SYT1: variants seen among roughly 807,000 people sequenced by gnomAD.
The protein encoded by SYT1 is synaptotagmin 1, also known as synaptotagmin-1.
SYT1 carries 8 observed loss-of-function variants against 44.8 expected under a neutral mutation model. The ratio of observed to expected loss-of-function variants is 0.18; its 90% confidence interval spans 0.10 to 0.32. SYT1 has a LOEUF of 0.32. SYT1 is among the 10% of genes least tolerant of loss of function. The pLI, the probability that SYT1 is intolerant of heterozygous loss-of-function variation, is 1.00. For synonymous variants in SYT1, 154 were observed against 188.8 expected, an observed-to-expected ratio of 0.82 and a Z score of 1.51; for missense variants, 286 against 509.3, an observed-to-expected ratio of 0.56 and a Z score of 4.22.
intron 2 of SYT1, among the ~76,000 whole-genome samples, chr12:79,028,163 G>GA (rs1483798824): frequency 2.0e-5 from 3 of 151,538 alleles, no homozygotes; most frequent in Non-Finnish European, 4.4e-5. Flanking sequence ...TCAAAAACCA[G>GA]AAAAATCACA....
intron 1 of SYT1, chr12:78,955,455 C>A (rs1879159121): frequency 6.6e-6 from 1 of 152,088 alleles, no homozygotes; most frequent in Non-Finnish European, 1.5e-5. Context: ...AAATGTATTA[C>A]TTACAGTTCT....
At chr12:78,916,461 T>C (rs1876660714) in intron 1 of SYT1, among the ~76,000 whole-genome samples, 2 of 152,178 alleles carry the variant, frequency 1.3e-5, no homozygotes, top group South Asian at 4.1e-4. Flanking sequence ...TTTCTCTTTT[T>C]TGTTTCAAAG....
chr12:79,345,348 T>A (rs527824190), intron 8 of SYT1, among the ~76,000 whole-genome samples: 5 of 152,348 alleles, frequency 3.3e-5, no homozygotes, highest in African/African-American at 1.2e-4. Context: ...AAGGTTTCAA[T>A]CTTCACCTCC....
At chr12:79,447,071 C>T (rs562180456) in intron 10 of SYT1, among the ~76,000 whole-genome samples, 1 of 152,286 alleles carries the variant, frequency 6.6e-6, no homozygotes, top group African/African-American at 2.4e-5. Flanking sequence ...TGCTAGGTTT[C>T]TGGGGCAGCA....
chr12:79,320,188 C>T (rs1344309454), intron 8 of SYT1, among the ~76,000 whole-genome samples: 1 of 152,072 alleles, frequency 6.6e-6, no homozygotes, highest in African/African-American at 2.4e-5. Context: ...ATGTATGATT[C>T]CCTAAAATGT....
chr12:79,252,295 T>C (rs1877263587), intron 4 of SYT1, among the ~76,000 whole-genome samples: 1 of 152,172 alleles, frequency 6.6e-6, no homozygotes, highest in Non-Finnish European at 1.5e-5. Flanking sequence ...GGCTAATTTA[T>C]TGTTGACATT....
chr12:78,908,362 A>G (rs1328748254), intron 1 of SYT1, among the ~76,000 whole-genome samples: 2 of 135,896 alleles, frequency 1.5e-5, no homozygotes, highest in Admixed American at 8.5e-5. Flanking sequence ...AATTTTGAAG[A>G]CGGATCAGTT....
intron 2 of SYT1, among the ~76,000 whole-genome samples, chr12:79,038,201 A>G (rs944462025): frequency 1.3e-5 from 2 of 149,666 alleles, no homozygotes; most frequent in Admixed American, 1.3e-4. Context: ...ATATATACAC[A>G]TATATATACA....
chr12:79,237,888 A>T (rs2138640396), intron 4 of SYT1, among the ~76,000 whole-genome samples: 2 of 152,346 alleles, frequency 1.3e-5, no homozygotes, highest in African/African-American at 4.8e-5. Context: ...GTTATGCAGA[A>T]TACATTTTAG....
chr12:79,308,091 C>G (rs1565900842), intron 8 of SYT1, among the ~76,000 whole-genome samples: 1 of 152,204 alleles, frequency 6.6e-6, no homozygotes, highest in Non-Finnish European at 1.5e-5. Flanking sequence ...GATCTTCCTC[C>G]TGAAACACCT....
chr12:78,953,828 T>G (rs1879087570), intron 1 of SYT1, among the ~76,000 whole-genome samples: 1 of 152,008 alleles, frequency 6.6e-6, no homozygotes, highest in Non-Finnish European at 1.5e-5. Context: ...TGCATCAGAT[T>G]TTTTATTGTT....
At chr12:78,977,195 C>G (rs894994971) in intron 1 of SYT1, among the ~76,000 whole-genome samples, 2 of 152,138 alleles carry the variant, frequency 1.3e-5, no homozygotes, top group African/African-American at 4.8e-5. Flanking sequence ...GATAGAGCTT[C>G]CCTACCACCC....
chr12:79,252,246 T>C (rs1031555677), intron 4 of SYT1, among the ~76,000 whole-genome samples: 3 of 152,142 alleles, frequency 2.0e-5, no homozygotes, highest in Admixed American at 2.0e-4. Context: ...AAGATTATTG[T>C]ACATATTAAA....
At chr12:79,045,197 A>G (rs866951139) in intron 2 of SYT1, among the ~76,000 whole-genome samples, 56 of 152,312 alleles carry the variant, frequency 3.7e-4, no homozygotes, top group Admixed American at 7.8e-4. Flanking sequence ...AGCCCGGGCA[A>G]TGGCGGGCGC....
chr12:79,228,482 A>G (rs1357951003), intron 4 of SYT1, among the ~76,000 whole-genome samples: 1 of 150,920 alleles, frequency 6.6e-6, no homozygotes, highest in East Asian at 1.9e-4. Flanking sequence ...TCTACTGAAA[A>G]CTCTTGACTT....
intron 3 of SYT1, among the ~76,000 whole-genome samples, chr12:79,089,636 GGCC>G: frequency 6.6e-6 from 1 of 151,930 alleles, no homozygotes; most frequent in East Asian, 1.9e-4. Context: ...CCAGATCCAA[GGCC>G]CTATATCTGT....
intron 9 of SYT1, among the ~76,000 whole-genome samples, chr12:79,425,657 T>C (rs1239069264): frequency 6.6e-6 from 1 of 152,102 alleles, no homozygotes; most frequent in African/African-American, 2.4e-5. Context: ...TATAACTCCT[T>C]CTCTTTCAAT....
intron 3 of SYT1, among the ~76,000 whole-genome samples, chr12:79,206,352 C>A (rs946260105): frequency 2.0e-5 from 3 of 152,060 alleles, no homozygotes; most frequent in Non-Finnish European, 1.5e-5. Flanking sequence ...CAGACGACAA[C>A]CCAGATGCAG....
chr12:78,913,670 T>C lies in SYT1; in HGVS notation c.-217+48561T>C, dbSNP rs1378963222. ...GTTTGTTTATGCTTTGCTTGATTGATAATCAGATTCTTTACAACTTTTATT... is the reference window on the plus strand; with the variant it reads ...GTTTGTTTATGCTTTGCTTGATTGACAATCAGATTCTTTACAACTTTTATT... On this transcript the variant is annotated intron_variant, in intron 1 of 10. Transcript: ENST00000261205. 4.6e-5 allele frequency among the ~76,000 whole-genome samples: 7 copies of C among 152,024 alleles called. No homozygotes were observed. The East Asian group carries it at 9.7e-4, about 21-fold the overall frequency.
Sources: gnomAD v4.1 joint callset for allele counts (sites outside exome capture counted in the v4.1 genomes callset) on GRCh38, gnomAD v4.1.1 for gene constraint, MANE v1.5 for transcripts, NCBI Gene and HGNC (gene_info 2026-07-23, HGNC 2026-07-21) for gene names.